KRT18: variants seen among roughly 807,000 people sequenced by gnomAD.
KRT18 encodes keratin, type I cytoskeletal 18.
Under a neutral mutation model 39.9 loss-of-function variants are expected in KRT18, and 8 were observed. The ratio of observed to expected loss-of-function variants is 0.20; its 90% confidence interval spans 0.12 to 0.36. KRT18 has a LOEUF of 0.36. Ranked by LOEUF, KRT18 falls within the 10% of genes least tolerant of loss-of-function variation. The probability of loss-of-function intolerance (pLI) is 1.00; values close to 1 mark genes in which losing one functional copy is unlikely to be tolerated. For missense variants in KRT18, 396 were observed against 565.7 expected (o/e 0.70, Z 3.04); for synonymous variants, 194 against 227.8 (o/e 0.85, Z 1.33).
At chr12:52,952,545 C>A in intron 6 of KRT18, 177 bp from the exon 7 acceptor site, 1 of 803,308 alleles carries the variant, frequency 1.2e-6, no homozygotes, top group East Asian at 2.5e-5. Context: ...AGTATTGTCC[C>A]TAGCTGTACT....
chr12:52,949,111 C>G (rs891320036), upstream of KRT18: 3 of 1,361,902 alleles, frequency 2.2e-6, no homozygotes, highest in African/African-American at 4.1e-5. Context: ...TCGCGCGGCT[C>G]GCGCAGGCCG....
Position 52,952,202 on chromosome 12 carries a change from C to T in KRT18, c.1032C>T (p.His344=), listed in dbSNP as rs1258736502. The T allele has an allele frequency of 1.9e-6, 3 of 1,593,816 alleles. No individual in the cohort carries two copies. The highest frequency in any genetic ancestry group is 1.7e-6 in the Non-Finnish European group (2 of 1,170,772). ...QMEQLNGILL[H]LESELAQTRA... is the part of the protein sequence containing the mutation. ...AGCAGCTCAACGGGATCCTGCTGCA[C>T]CTTGAGTCAGAGCTGGCACAGACCC... The change falls in exon 6 of 7, where the codon CAC becomes CAT. Residue 344 remains histidine, a synonymous_variant. Coordinates refer to ENST00000388835, the MANE Select transcript of KRT18 (RefSeq NM_000224.3).
chr12:52,950,366 G>A lies in KRT18; in HGVS notation c.456G>A (p.Leu152=), dbSNP rs773196623. The part of the protein sequence containing the change: ...ANTVDNARIV[L]QIDNARLAAD... ...CTGTGGACAATGCCCGCATCGTTCTGCAGATTGACAATGCCCGTCTTGCTG... is the reference window on the plus strand; with the variant it reads ...CTGTGGACAATGCCCGCATCGTTCTACAGATTGACAATGCCCGTCTTGCTG... Residue 152 remains leucine (L), a synonymous_variant, in exon 2 of 7, where the codon CTG becomes CTA. Coordinates refer to ENST00000388835, the MANE Select transcript of KRT18 (RefSeq NM_000224.3). 1.5e-5 allele frequency: 25 copies of A among 1,613,564 alleles called. 1 individual carries two copies. Among genetic ancestry groups the A allele is most frequent in the Non-Finnish European group, 2.0e-5 (24 of 1,179,682 alleles).
Position 52,951,770 on chromosome 12 carries a change from G to A in KRT18, c.862G>A (p.Glu288Lys). 1 of 1,613,212 alleles carries A rather than the reference G, an allele frequency of 6.2e-7. No homozygotes were observed. Among genetic ancestry groups the A allele is most frequent in the South Asian group, 1.1e-5 (1 of 91,054 alleles). Residue 288 changes from glutamate (E) to lysine (K), a missense_variant, in exon 5 of 7, where the codon GAG becomes AAG. Glu to Lys is a moderately conservative substitution (Grantham distance 56). Coordinates refer to ENST00000388835, the MANE Select transcript of KRT18 (RefSeq NM_000224.3). The part of the protein sequence containing the change: ...STTVVTTQSA[E>K]VGAAETTLTE... ...CACAGTGGTCACCACACAGTCTGCT[G>A]AGGTTGGAGCTGCTGAGACGACGCT...
At chr12:52,951,686 A>G (rs978230874) in intron 4 of KRT18, 41 bp downstream of exon 4, 2 of 1,612,996 alleles carry the variant, frequency 1.2e-6, no homozygotes, top group East Asian at 4.5e-5. Context: ...TGTGGGAGGG[A>G]GGCAGACGGA....
chr12:52,949,101 T>C (rs1942408365), upstream of KRT18: 1 of 1,330,444 alleles, frequency 7.5e-7, no homozygotes, highest in South Asian at 1.2e-5. Flanking sequence ...ATAACTCGGG[T>C]CGCGCGGCTC....
At position 52,951,734 on chromosome 12, in the gene KRT18, G is replaced by A; in HGVS notation, c.826G>A (p.Glu276Lys). 1 of 1,613,334 alleles carries A rather than the reference G, an allele frequency of 6.2e-7. No homozygotes were observed. Residue 276 changes from glutamate (E) to lysine (K), a missense_variant, in exon 5 of 7, where the codon GAG (glutamate) becomes AAG (lysine). Physicochemically the swap from Glu to Lys is moderately conservative, Grantham distance 56 (BLOSUM62 1). Coordinates refer to ENST00000388835, the MANE Select transcript of KRT18 (RefSeq NM_000224.3). ...ATGGACTGTCCCCATCCTGCAGATT[G>A]AGGAGAGCACCACAGTGGTCACCAC... is the stretch of plus-strand genomic sequence containing the variant. ...ELDKYWSQQI[E>K]ESTTVVTTQS...
At chr12:52,948,987 G>A, upstream of KRT18, 1 of 496,366 alleles carries the variant, frequency 2.0e-6, no homozygotes. Flanking sequence ...GGTGGGGCCC[G>A]GGGCGGAGCG....
chr12:52,950,624 A>G lies in KRT18; in HGVS notation c.501-126A>G, dbSNP rs2120772660. The G allele has an allele frequency of 3.1e-6, 3 of 975,508 alleles. No individual in the cohort carries two copies. In the East Asian group the frequency reaches 7.6e-5, roughly 25 times the overall value. 60.4% of individuals were successfully genotyped at this position (975,508 alleles called of 1,614,324 possible). On this transcript the variant is annotated intron_variant, in intron 2 of 6. Coordinates refer to ENST00000388835, the MANE Select transcript of KRT18 (RefSeq NM_000224.3). ...TGCCAAGAATGGTGCTCAGGGGATT[A>G]CCACCTAATTGCTGACTCAAGTTGC...
In KRT18 at chr12:52,952,126, G is replaced by C; in HGVS notation, c.956G>C (p.Ser319Thr). 6.4e-7 allele frequency: 1 copy of C among 1,560,386 alleles called. No individual in the cohort carries two copies. The change falls in exon 6 of 7, where the codon AGC becomes ACC. Residue 319 changes from serine to threonine, a missense_variant. By Grantham distance (58) the Ser-to-Thr change is moderately conservative (BLOSUM62 1). Coordinates refer to ENST00000388835, the MANE Select transcript of KRT18 (RefSeq NM_000224.3). Reference protein sequence around the residue: ...DLDSMRNLKASLENSLREVEA... With the variant: ...DLDSMRNLKATLENSLREVEA... Reference sequence around the variant, plus strand: ...CTCTCTGTGCCCCTGCAGAAGGCCAGCTTGGAGAACAGCCTGAGGGAGGTG... The same window carrying C: ...CTCTCTGTGCCCCTGCAGAAGGCCACCTTGGAGAACAGCCTGAGGGAGGTG...
At position 52,952,801 on chromosome 12, in the gene KRT18, G is replaced by T. The variant is rs772684603; in HGVS notation, c.1252G>T (p.Val418Leu). 6.2e-7 allele frequency: 1 copy of T among 1,612,292 alleles called. No individual in the cohort carries two copies. Among genetic ancestry groups the T allele is most frequent in the Non-Finnish European group, 8.5e-7 (1 of 1,179,786 alleles). ...CACCCGCCGGATAGTGGATGGCAAAGTGGTGTCTGAGACCAATGACACCAA... is the reference window on the plus strand; with the variant it reads ...CACCCGCCGGATAGTGGATGGCAAATTGGTGTCTGAGACCAATGACACCAA... ...TTTRRIVDGKVVSETNDTKVL... is the reference protein window; with the variant it reads ...TTTRRIVDGKLVSETNDTKVL... The change falls in exon 7 of 7, where the codon GTG (valine) becomes TTG (leucine). Residue 418 changes from valine to leucine, a missense_variant. Physicochemically the swap from Val to Leu is conservative, Grantham distance 32. Coordinates refer to ENST00000388835, the MANE Select transcript of KRT18 (RefSeq NM_000224.3).
At chr12:52,950,163 G>T in intron 1 of KRT18, 165 bp from the exon 2 acceptor site, 1 of 734,834 alleles carries the variant, frequency 1.4e-6, no homozygotes. Context: ...GGAAAGGAGG[G>T]AATGGGGTGG....
At chr12:52,949,988 G>T in intron 1 of KRT18, 2 of 611,720 alleles carry the variant, frequency 3.3e-6, no homozygotes, top group South Asian at 2.0e-5. Context: ...CCAATCCAGG[G>T]TGTAGGGGGC....
At chr12:52,949,707 G>C in intron 1 of KRT18, 117 bp downstream of exon 1, 3 of 949,068 alleles carry the variant, frequency 3.2e-6, no homozygotes, top group Non-Finnish European at 5.1e-6. Flanking sequence ...GGAGGGGGTT[G>C]GGCATACCTG....
Position 52,952,256 on chromosome 12 carries a change from G to A in KRT18, c.1086G>A (p.Glu362=), listed in dbSNP as rs144702029. Residue 362 remains glutamate, a synonymous_variant, in exon 6 of 7, where the codon GAG becomes GAA. Transcript: ENST00000388835. ...TRAEGQRQAQ[E]YEALLNIKVK... ...CAGAGGGACAGCGCCAGGCCCAGGAGTATGAGGCCCTGCTGAACATCAAGG... is the reference window on the plus strand; with the variant it reads ...CAGAGGGACAGCGCCAGGCCCAGGAATATGAGGCCCTGCTGAACATCAAGG... 1.2e-5 allele frequency: 20 copies of A among 1,607,108 alleles called. No individual in the cohort carries two copies. The highest frequency in any genetic ancestry group is 1.7e-5 in the Non-Finnish European group (20 of 1,177,728).
chr12:52,950,303 C>A (rs766007690), intron 1 of KRT18, 25 bp from the exon 2 acceptor site: 36 of 1,545,858 alleles, frequency 2.3e-5, no homozygotes, highest in East Asian at 9.0e-5. Context: ...ATTCATGGAA[C>A]AACCTCTCTC....
At chr12:52,952,522 A>G in intron 6 of KRT18, 180 bp downstream of exon 6, 1 of 771,520 alleles carries the variant, frequency 1.3e-6, no homozygotes, top group Non-Finnish European at 2.2e-6. Context: ...TCCCCCTTGA[A>G]GAAAGCAAAC....
chr12:52,949,027 C>G (rs1942405291), upstream of KRT18: 2 of 723,040 alleles, frequency 2.8e-6, no homozygotes, highest in East Asian at 2.8e-5. Flanking sequence ...GGCTCCGAGC[C>G]GTCCACCTGT....
chr12:52,950,146 G>A, intron 1 of KRT18, 182 bp from the exon 2 acceptor site: 1 of 717,328 alleles, frequency 1.4e-6, no homozygotes, highest in East Asian at 2.5e-5. Flanking sequence ...TGGGATCTGG[G>A]AATCCAGGAA....
Sources: allele counts gnomAD v4.1 joint callset, GRCh38; gene constraint gnomAD v4.1.1; transcripts MANE v1.5; gene names NCBI Gene and HGNC (gene_info 2026-07-23, HGNC 2026-07-21).